The following DLGAP1 variants were observed in gnomAD, a reference collection of about 807,000 sequenced individuals.
DLGAP1 encodes the protein disks large-associated protein 1.
In DLGAP1, 11 loss-of-function variants were observed where a neutral mutation model predicts 90.8. That is an observed-to-expected ratio of 0.12 (90% confidence interval 0.08 to 0.20). DLGAP1 has a LOEUF of 0.20. Ranked by LOEUF, DLGAP1 falls within the 10% of genes least tolerant of loss-of-function variation. The pLI is 1.00. For synonymous variants in DLGAP1, 558 were observed against 540.7 expected (o/e 1.03, Z -0.44); for missense variants, 1,050 against 1,333.8 (o/e 0.79, Z 3.31).
At chr18:3,911,489 T>C (rs547225351) in intron 3 of DLGAP1, among the ~76,000 whole-genome samples, 42 of 152,314 alleles carry the variant, frequency 2.8e-4, no homozygotes, top group African/African-American at 9.1e-4. Flanking sequence ...CTAGACTCTG[T>C]CAGTAGATGG....
In DLGAP1 at chr18:3,874,325, C is replaced by T. The variant is rs907749905; in HGVS notation, c.957+4787G>A. ...TCTGTCTCTCTCTCTCCACTTCTAC[C>T]GCGGAGAGAGCGTTTTGTTTCCCTT... On this transcript the variant is annotated intron_variant, in intron 4 of 12. Coordinates refer to ENST00000315677, the MANE Select transcript of DLGAP1 (RefSeq NM_004746.4). The T allele has an allele frequency of 1.0e-4, 154 of 1,527,910 alleles. No individual in the cohort carries two copies. In the East Asian group the frequency reaches 1.9e-3, roughly 19 times the overall value. 94.6% of individuals were successfully genotyped at this position (1,527,910 alleles called of 1,614,324 possible).
intron 4 of DLGAP1, among the ~76,000 whole-genome samples, chr18:3,857,839 T>G (rs547248266): frequency 1.3e-5 from 2 of 152,308 alleles, no homozygotes; most frequent in East Asian, 1.9e-4. Context: ...CTTCCAGAAC[T>G]GCACAATCAT....
intron 1 of DLGAP1, among the ~76,000 whole-genome samples, chr18:4,327,996 G>A (rs2080861402): frequency 6.7e-6 from 1 of 150,254 alleles, no homozygotes; most frequent in African/African-American, 2.5e-5. Context: ...AGACTGAATT[G>A]TCATAAATCC....
At chr18:4,021,993 T>C (rs1464886760) in intron 2 of DLGAP1, among the ~76,000 whole-genome samples, 1 of 152,138 alleles carries the variant, frequency 6.6e-6, no homozygotes, top group Non-Finnish European at 1.5e-5. Context: ...TAAGGAGGTA[T>C]TATCACATTT....
chr18:4,103,422 A>G (rs2143901296), intron 2 of DLGAP1, among the ~76,000 whole-genome samples: 1 of 152,242 alleles, frequency 6.6e-6, no homozygotes, highest in East Asian at 1.9e-4. Context: ...ATTGGTTACT[A>G]TGGTAAAGAG....
rs547506075 is a variant in DLGAP1, at chr18:3,966,816, C to T, written c.-73+38300G>A. Among the ~76,000 whole-genome samples, 22 of 152,148 alleles carry T rather than the reference C, an allele frequency of 1.4e-4. No homozygotes were observed. In the South Asian group the frequency reaches 4.1e-3, roughly 29 times the overall value. The stretch of plus-strand genomic sequence containing the variant: ...TTAACGAGTATGAGGTGAGAGGGGA[C>T]GTCTGAGCTAGAGATAACAGATTTG... On this transcript the variant is annotated intron_variant, in intron 3 of 12. Coordinates refer to ENST00000315677, the MANE Select transcript of DLGAP1 (RefSeq NM_004746.4).
At chr18:4,197,188 T>TAAAAAAAAAAAAAAAAAAAAGAAA (rs2077515430) in intron 1 of DLGAP1, among the ~76,000 whole-genome samples, 1 of 73,752 alleles carries the variant, frequency 1.4e-5, no homozygotes, top group African/African-American at 5.2e-5. Context: ...TAAAAAAAAG[T>TAAAAAAAAAAAAAAAAAAAAGAAA]AAAAAAAAAA....
At chr18:3,851,261 A>C (rs1283710768) in intron 4 of DLGAP1, among the ~76,000 whole-genome samples, 1 of 152,098 alleles carries the variant, frequency 6.6e-6, no homozygotes, top group African/African-American at 2.4e-5. Context: ...GTGGAGGGTA[A>C]ATGGCAAATC....
intron 1 of DLGAP1, among the ~76,000 whole-genome samples, chr18:4,358,773 C>T (rs2081575250): frequency 6.6e-6 from 1 of 152,224 alleles, no homozygotes; most frequent in South Asian, 2.1e-4. Context: ...TTTGTGGCCA[C>T]AGCTTACCTC....
chr18:3,628,332 G>A (rs1008498170), intron 7 of DLGAP1, among the ~76,000 whole-genome samples: 3 of 151,608 alleles, frequency 2.0e-5, no homozygotes, highest in African/African-American at 4.8e-5. Context: ...TGGGATTATA[G>A]CCATGTGCCA....
At chr18:3,613,739 T>A (rs897501069) in intron 7 of DLGAP1, among the ~76,000 whole-genome samples, 20 of 152,196 alleles carry the variant, frequency 1.3e-4, no homozygotes, top group Non-Finnish European at 2.9e-5. Context: ...AATTGGTTGG[T>A]CTGTGTCCAA....
intron 1 of DLGAP1, among the ~76,000 whole-genome samples, chr18:4,346,332 G>A (rs1264997739): frequency 6.6e-6 from 1 of 151,968 alleles, no homozygotes; most frequent in African/African-American, 2.4e-5. Context: ...GTATTTAAGG[G>A]CAAGCTATGC....
At chr18:4,404,471 A>T (rs2082621443) in intron 1 of DLGAP1, among the ~76,000 whole-genome samples, 1 of 152,220 alleles carries the variant, frequency 6.6e-6, no homozygotes, top group South Asian at 2.1e-4. Flanking sequence ...CAAAATATAA[A>T]TGCCACAGGT....
intron 10 of DLGAP1, among the ~76,000 whole-genome samples, chr18:3,515,446 G>A (rs1239574760): frequency 1.7e-5 from 2 of 117,742 alleles, no homozygotes; most frequent in African/African-American, 6.4e-5. Flanking sequence ...TCCAGCCTGG[G>A]CAACAGAGCG....
chr18:4,381,909 G>A (rs377679760), intron 1 of DLGAP1, among the ~76,000 whole-genome samples: 113 of 152,218 alleles, frequency 7.4e-4, no homozygotes, highest in Admixed American at 1.8e-3. Flanking sequence ...CAATTATGGC[G>A]GAAGGCAAAA....
chr18:3,728,849 G>A (rs543924657), intron 7 of DLGAP1, among the ~76,000 whole-genome samples: 2 of 152,220 alleles, frequency 1.3e-5, no homozygotes, highest in African/African-American at 4.8e-5. Context: ...GACCTGTGTG[G>A]GGATCTTGGA....
chr18:3,777,181 T>C (rs964146539), intron 5 of DLGAP1, among the ~76,000 whole-genome samples: 3 of 152,192 alleles, frequency 2.0e-5, no homozygotes, highest in African/African-American at 4.8e-5. Flanking sequence ...AAAACTTACA[T>C]TTAAACAATA....
chr18:3,583,184 A>T (rs60544238), intron 7 of DLGAP1, among the ~76,000 whole-genome samples: 61,610 of 127,256 alleles, frequency 0.48, 14,153 homozygotes, highest in African/African-American at 0.57. Context: ...CTACCTACCT[A>T]CCTTCCTTCC....
At chr18:3,856,633 G>A (rs1030974862) in intron 4 of DLGAP1, among the ~76,000 whole-genome samples, 27 of 152,022 alleles carry the variant, frequency 1.8e-4, no homozygotes, top group Admixed American at 1.0e-3. Flanking sequence ...AGGCCGAAGC[G>A]GGCAGATCAC....
Sources: gnomAD v4.1 joint callset for allele counts (sites outside exome capture counted in the v4.1 genomes callset) on GRCh38, gnomAD v4.1.1 for gene constraint, MANE v1.5 for transcripts, NCBI Gene and HGNC (gene_info 2026-07-23, HGNC 2026-07-21) for gene names.